The following LPP variants were observed in gnomAD, a reference collection of about 807,000 sequenced individuals.
LPP encodes LIM domain containing preferred translocation partner in lipoma, also known as lipoma-preferred partner.
LPP carries 38 observed loss-of-function variants against 60.4 expected under a neutral mutation model. The observed-to-expected ratio is 0.63, with a 90% confidence interval of 0.49 to 0.83. The LOEUF (loss-of-function observed/expected upper bound fraction) is 0.83. Among genes scored for constraint, LPP ranks in the 40% least tolerant of loss-of-function variants. The probability of loss-of-function intolerance (pLI) is 0.00; values close to 1 mark genes in which losing one functional copy is unlikely to be tolerated. For missense variants in LPP, 902 were observed against 783.6 expected (o/e 1.15, Z -1.80); for synonymous variants, 328 against 290.8 (o/e 1.13, Z -1.30).
intron 5 of LPP, among the ~76,000 whole-genome samples, chr3:188,492,190 G>A (rs1808565925): frequency 6.6e-6 from 1 of 152,182 alleles, no homozygotes; most frequent in Non-Finnish European, 1.5e-5. Flanking sequence ...TTTCTGTATA[G>A]GGAGTAATAT....
At chr3:188,684,779 G>A (rs571335639) in intron 7 of LPP, among the ~76,000 whole-genome samples, 1 of 151,168 alleles carries the variant, frequency 6.6e-6, no homozygotes, top group African/African-American at 2.4e-5. Context: ...TTCTCTCCCT[G>A]TGTTACTGTG....
chr3:188,411,843 T>C (rs1469179155), intron 4 of LPP, among the ~76,000 whole-genome samples: 1 of 152,180 alleles, frequency 6.6e-6, no homozygotes, highest in Non-Finnish European at 1.5e-5. Context: ...TGTACTAATA[T>C]AATTTTTTAA....
intron 7 of LPP, among the ~76,000 whole-genome samples, chr3:188,641,967 T>C (rs1439929382): frequency 6.6e-6 from 1 of 152,220 alleles, no homozygotes; most frequent in Non-Finnish European, 1.5e-5. Flanking sequence ...TGATCTTTCA[T>C]TTCCCAAAGA....
intron 5 of LPP, among the ~76,000 whole-genome samples, chr3:188,487,566 G>A (rs1051727281): frequency 1.3e-5 from 2 of 152,234 alleles, no homozygotes; most frequent in African/African-American, 2.4e-5. Context: ...ATCTGGTAGG[G>A]AGAGGCCTGT....
At chr3:188,672,723 G>C (rs565076236) in intron 7 of LPP, among the ~76,000 whole-genome samples, 1 of 152,004 alleles carries the variant, frequency 6.6e-6, no homozygotes, top group Non-Finnish European at 1.5e-5. Context: ...TTTTCCAATC[G>C]CTTGTTCTTT....
At chr3:188,365,687 C>CTT (rs113781032) in intron 3 of LPP, among the ~76,000 whole-genome samples, 5,291 of 137,496 alleles carry the variant, frequency 0.038, 139 homozygotes, top group Non-Finnish European at 0.062. Context: ...TTTTCTTCTT[C>CTT]TTTTTTTTTT....
At chr3:188,648,578 CTGTT>C (rs923511430) in intron 7 of LPP, among the ~76,000 whole-genome samples, 1 of 152,168 alleles carries the variant, frequency 6.6e-6, no homozygotes, top group Non-Finnish European at 1.5e-5. Context: ...GTCTTCTGTC[CTGTT>C]TGTCTCTCCT....
intron 9 of LPP, among the ~76,000 whole-genome samples, chr3:188,824,185 G>T (rs942727010): frequency 2.0e-5 from 3 of 152,184 alleles, no homozygotes; most frequent in Non-Finnish European, 2.9e-5. Flanking sequence ...CTTCTGAAAA[G>T]TACGTTCACT....
At chr3:188,175,758 C>T (rs900420982) in intron 1 of LPP, among the ~76,000 whole-genome samples, 1 of 152,120 alleles carries the variant, frequency 6.6e-6, no homozygotes, top group African/African-American at 2.4e-5. Flanking sequence ...TGACTTGCCT[C>T]AGGAGTAAAC....
intron 1 of LPP, among the ~76,000 whole-genome samples, chr3:188,164,454 T>A (rs181742439): frequency 6.6e-6 from 1 of 152,318 alleles, no homozygotes; most frequent in African/African-American, 2.4e-5. Context: ...CTAGTGAATT[T>A]CCACTGAAGA....
chr3:188,425,427 G>C (rs1407985170), intron 4 of LPP, among the ~76,000 whole-genome samples: 2 of 152,100 alleles, frequency 1.3e-5, no homozygotes, highest in African/African-American at 2.4e-5. Context: ...TTGTGTCTCT[G>C]CCAGGTTTTG....
chr3:188,575,531 AGGGCT>A (rs1343129764), intron 6 of LPP, among the ~76,000 whole-genome samples: 1 of 152,162 alleles, frequency 6.6e-6, no homozygotes, highest in African/African-American at 2.4e-5. Flanking sequence ...AGTACGTGGC[AGGGCT>A]CAGATTTTGG....
chr3:188,597,470 C>T (rs10937359), intron 6 of LPP, among the ~76,000 whole-genome samples: 43,542 of 151,858 alleles, frequency 0.29, 6,675 homozygotes, highest in Non-Finnish European at 0.33. Flanking sequence ...TTATGGCTTC[C>T]GAGTAGCAGT....
At chr3:188,449,400 G>A (rs542489314) in intron 4 of LPP, among the ~76,000 whole-genome samples, 8 of 152,070 alleles carry the variant, frequency 5.3e-5, no homozygotes, top group Admixed American at 2.6e-4. Flanking sequence ...TGAATTTTTA[G>A]AAATATATAC....
chr3:188,494,659 G>T (rs965150314), intron 5 of LPP, among the ~76,000 whole-genome samples: 1 of 151,862 alleles, frequency 6.6e-6, no homozygotes, highest in Non-Finnish European at 1.5e-5. Context: ...CACAGAAAAC[G>T]TGCTCTCTGA....
At chr3:188,446,416 CT>C (rs570578865) in intron 4 of LPP, among the ~76,000 whole-genome samples, 111 of 152,280 alleles carry the variant, frequency 7.3e-4, no homozygotes, top group African/African-American at 2.6e-3. Context: ...TCAGCCTTTT[CT>C]TTTTAAAAGT....
At chr3:188,326,455 T>G (rs900691445) in intron 2 of LPP, among the ~76,000 whole-genome samples, 1 of 152,204 alleles carries the variant, frequency 6.6e-6, no homozygotes, top group Non-Finnish European at 1.5e-5. Context: ...TGCCAAAACA[T>G]AGTTTTGCAG....
intron 6 of LPP, among the ~76,000 whole-genome samples, chr3:188,592,563 T>TTTTTTTTTTTTTGG: frequency 8.7e-4 from 67 of 77,206 alleles, no homozygotes; most frequent in Non-Finnish European, 1.4e-3. Context: ...TTTTGTTTTT[T>TTTTTTTTTTTTTGG]AAATGGAGTC....
At chr3:188,179,875 T>A (rs1341388460) in intron 1 of LPP, 1 of 250,646 alleles carries the variant, frequency 4.0e-6, no homozygotes, top group East Asian at 1.1e-4. Flanking sequence ...GTCTTTTGCA[T>A]GGCATCTGTG....
Sources: allele counts gnomAD v4.1 joint callset (sites outside exome capture counted in the v4.1 genomes callset), GRCh38; gene constraint gnomAD v4.1.1; transcripts MANE v1.5; gene names NCBI Gene and HGNC (gene_info 2026-07-23, HGNC 2026-07-21).